Variants in PLCB4 observed in about 807,000 individuals in gnomAD.
The protein encoded by PLCB4 is phospholipase C beta 4.
In PLCB4, 77 loss-of-function variants were observed where a neutral mutation model predicts 178.8. The ratio of observed to expected loss-of-function variants is 0.43; its 90% CI spans 0.36 to 0.52. PLCB4 has a LOEUF of 0.52. Ranked by LOEUF, PLCB4 falls within the 20% of genes least tolerant of loss-of-function variation. PLCB4 has a pLI of 0.00. For synonymous variants in PLCB4, 496 were observed against 490.8 expected, an observed-to-expected ratio of 1.01 and a Z score of -0.14; for missense variants, 1,024 against 1,453.4, an observed-to-expected ratio of 0.70 and a Z score of 4.80.
chr20:9,316,566 T>C (rs987147811), intron 4 of PLCB4, among the ~76,000 whole-genome samples: 4 of 152,226 alleles, frequency 2.6e-5, no homozygotes, highest in Non-Finnish European at 4.4e-5. Context: ...GGCGATTTTC[T>C]TAATATCTCT....
chr20:9,289,057 A>G (rs2094558798), intron 3 of PLCB4, among the ~76,000 whole-genome samples: 3 of 152,226 alleles, frequency 2.0e-5, no homozygotes, highest in Admixed American at 6.5e-5. Flanking sequence ...CCAAAACTCA[A>G]TTTAACTTAT....
chr20:9,169,419 C>T (rs1409791795), intron 2 of PLCB4, among the ~76,000 whole-genome samples: 3 of 136,416 alleles, frequency 2.2e-5, no homozygotes, highest in African/African-American at 8.4e-5. Flanking sequence ...GAAACCCCAT[C>T]TCTTAAAAAA....
At chr20:9,408,952 A>C in intron 23 of PLCB4, 105 bp from the exon 24 acceptor site, 1 of 978,776 alleles carries the variant, frequency 1.0e-6, no homozygotes, top group Non-Finnish European at 1.6e-6. Flanking sequence ...TGTGCTGTCT[A>C]CTTGTTTGTC....
rs114387123 is a variant in PLCB4 at position 9,160,416 on chromosome 20, A to G, written c.-78-56974A>G. 7.1e-3 allele frequency among the ~76,000 whole-genome samples: 1,085 copies of G among 152,284 alleles called. 16 individuals carry two copies. Among genetic ancestry groups the G allele is most frequent in the African/African-American group, 0.024 (1,009 of 41,560 alleles). On this transcript the variant is annotated intron_variant, in intron 2 of 39. Transcript: ENST00000378473. ...ACACAGCGCCGGGAGCATGGTGGGC[A>G]CTCAGTAGATACGTGTTGAGTAAAT... is the stretch of plus-strand genomic sequence containing the variant.
In PLCB4 at chr20:9,315,304, A is replaced by T. The variant is rs550605397; in HGVS notation, c.84+7406A>T. ...AATCTTGAGTACAGTTGGCCCTTTA[A>T]CAATTCGGAAATATTTTAAAGACAT... On this transcript the variant is annotated intron_variant, in intron 4 of 39. Transcript: ENST00000378473. Among the ~76,000 whole-genome samples, 12 of 152,328 alleles carry T rather than the reference A, an allele frequency of 7.9e-5. No individual in the cohort carries two copies. In the East Asian group the frequency reaches 2.3e-3, roughly 29 times the overall value.
At chr20:9,279,927 CT>C in intron 3 of PLCB4, among the ~76,000 whole-genome samples, 1 of 152,190 alleles carries the variant, frequency 6.6e-6, no homozygotes, top group African/African-American at 2.4e-5. Context: ...TGGCCTTATA[CT>C]GTTTAGCCGT....
intron 2 of PLCB4, among the ~76,000 whole-genome samples, chr20:9,193,232 G>C (rs1342568405): frequency 6.6e-6 from 1 of 152,198 alleles, no homozygotes; most frequent in Admixed American, 6.5e-5. Context: ...AGGAAATACT[G>C]GTAGAAGAGT....
At chr20:9,457,730 T>A (rs990160578) in intron 34 of PLCB4, among the ~76,000 whole-genome samples, 1 of 152,186 alleles carries the variant, frequency 6.6e-6, no homozygotes, top group Non-Finnish European at 1.5e-5. Context: ...CTAACAATAT[T>A]TATGTTGCCT....
intron 2 of PLCB4, among the ~76,000 whole-genome samples, chr20:9,163,537 A>G (rs1487579378): frequency 1.3e-5 from 2 of 148,622 alleles, no homozygotes; most frequent in African/African-American, 2.5e-5. Flanking sequence ...AGTATCCTCC[A>G]TGTTTTTTTT....
rs561097710 is a variant in PLCB4, at chr20:9,183,449, C to T, written c.-78-33941C>T. Among the ~76,000 whole-genome samples the T allele has an allele frequency of 4.6e-5, 7 of 152,090 alleles. No homozygotes were observed. The South Asian group carries it at 8.3e-4, about 18-fold the overall frequency. On this transcript the variant is annotated intron_variant, in intron 2 of 39. Transcript: ENST00000378473. ...GAAAGGGCTGTGATACCACAGAGGA[C>T]GTAGAAATTTTTTTCCATCACCACA... is the stretch of plus-strand genomic sequence containing the variant.
intron 30 of PLCB4, 39 bp from the exon 31 acceptor site, chr20:9,443,942 T>C: frequency 8.6e-7 from 1 of 1,158,372 alleles, no homozygotes. Context: ...TCTCTGATTT[T>C]TAGTATACAT....
intron 3 of PLCB4, among the ~76,000 whole-genome samples, chr20:9,218,775 C>G (rs939128130): frequency 6.6e-6 from 1 of 152,294 alleles, no homozygotes; most frequent in East Asian, 1.9e-4. Context: ...ATGTTCCTAT[C>G]TATTTTTAGT....
At chr20:9,412,950 C>T (rs182648874) in intron 25 of PLCB4, among the ~76,000 whole-genome samples, 6 of 152,296 alleles carry the variant, frequency 3.9e-5, no homozygotes, top group Admixed American at 3.9e-4. Context: ...CAGTTTACGA[C>T]AGCTCAGTCA....
At chr20:9,071,791 A>G (rs968759161) in intron 1 of PLCB4, among the ~76,000 whole-genome samples, 2 of 152,218 alleles carry the variant, frequency 1.3e-5, no homozygotes, top group Admixed American at 1.3e-4. Context: ...TTGAGGAAGT[A>G]TAAATTTTCT....
chr20:9,422,818 G>C (rs969171640), intron 27 of PLCB4, among the ~76,000 whole-genome samples: 1 of 152,188 alleles, frequency 6.6e-6, no homozygotes, highest in Non-Finnish European at 1.5e-5. Flanking sequence ...TAAGGAGCAA[G>C]AGAGAGGGAA....
At chr20:9,110,657 C>T (rs572577232) in intron 2 of PLCB4, among the ~76,000 whole-genome samples, 200 of 152,190 alleles carry the variant, frequency 1.3e-3, no homozygotes, top group African/African-American at 4.6e-3. Flanking sequence ...TATAGCTGGC[C>T]TTTTATAGAT....
chr20:9,407,012 A>G (rs78473732), intron 21 of PLCB4, among the ~76,000 whole-genome samples: 2,008 of 152,330 alleles, frequency 0.013, 49 homozygotes, highest in African/African-American at 0.045. Context: ...CAGTTTCAAT[A>G]TGTCCTATGC....
At chr20:9,361,985 A>G (rs904318633) in intron 7 of PLCB4, among the ~76,000 whole-genome samples, 1 of 152,220 alleles carries the variant, frequency 6.6e-6, no homozygotes, top group African/African-American at 2.4e-5. Flanking sequence ...GTATACGTCT[A>G]TATTACTATC....
chr20:9,181,171 C>A (rs1400274754), intron 2 of PLCB4, among the ~76,000 whole-genome samples: 1 of 152,126 alleles, frequency 6.6e-6, no homozygotes, highest in East Asian at 1.9e-4. Flanking sequence ...TTTGTGCCAC[C>A]CTCCTCACTA....
Sources: gnomAD v4.1 joint callset for allele counts (sites outside exome capture counted in the v4.1 genomes callset) on GRCh38, gnomAD v4.1.1 for gene constraint, MANE v1.5 for transcripts, NCBI Gene and HGNC (gene_info 2026-07-23, HGNC 2026-07-21) for gene names.